The following GRIK2 variants were observed in gnomAD, a reference collection of about 807,000 sequenced individuals.
GRIK2 encodes the protein glutamate ionotropic receptor kainate type subunit 2.
A neutral mutation model predicts 100.3 loss-of-function variants in GRIK2; 32 were observed. The observed-to-expected ratio is 0.32, with a 90% CI of 0.24 to 0.43. The LOEUF (loss-of-function observed/expected upper bound fraction) is 0.43, where lower values mean the gene tolerates loss of function less well. GRIK2 is among the 20% of genes least tolerant of loss of function. The pLI, the probability that GRIK2 is intolerant of heterozygous loss-of-function variation, is 1.00. For synonymous variants in GRIK2, 417 were observed against 389.4 expected (o/e 1.07, Z -0.83); for missense variants, 843 against 1,114.9 (o/e 0.76, Z 3.47).
intron 10 of GRIK2, among the ~76,000 whole-genome samples, chr6:101,850,103 T>A (rs1784048471): frequency 6.6e-6 from 1 of 152,190 alleles, no homozygotes; most frequent in Non-Finnish European, 1.5e-5. Context: ...CATGTCCCTG[T>A]TTCTCAAAAA....
intron 2 of GRIK2, among the ~76,000 whole-genome samples, chr6:101,488,873 T>C (rs1455600459): frequency 6.8e-6 from 1 of 146,304 alleles, no homozygotes; most frequent in Admixed American, 6.8e-5. Flanking sequence ...AACATGTAAA[T>C]AAAACTATTG....
At chr6:101,720,590 A>G (rs1355903312) in intron 7 of GRIK2, among the ~76,000 whole-genome samples, 1 of 151,962 alleles carries the variant, frequency 6.6e-6, no homozygotes, top group African/African-American at 2.4e-5. Context: ...TACTAACATC[A>G]TTTTCTGTCA....
intron 9 of GRIK2, among the ~76,000 whole-genome samples, chr6:101,816,621 G>A (rs1781646147): frequency 6.6e-6 from 1 of 152,160 alleles, no homozygotes; most frequent in Non-Finnish European, 1.5e-5. Context: ...AACCCGGGAG[G>A]CAGAGGTTGC....
intron 2 of GRIK2, among the ~76,000 whole-genome samples, chr6:101,613,615 G>C (rs1779773451): frequency 6.6e-6 from 1 of 151,384 alleles, no homozygotes; most frequent in African/African-American, 2.4e-5. Context: ...TAAGATGAAT[G>C]AGCAGTGTGA....
chr6:101,919,859 A>G (rs1344297063), intron 12 of GRIK2, among the ~76,000 whole-genome samples: 1 of 151,932 alleles, frequency 6.6e-6, no homozygotes, highest in East Asian at 1.9e-4. Context: ...AAACAATGGA[A>G]GTTTAGGATT....
At chr6:101,924,245 C>T (rs1789743583) in intron 12 of GRIK2, among the ~76,000 whole-genome samples, 1 of 152,066 alleles carries the variant, frequency 6.6e-6, no homozygotes, top group African/African-American at 2.4e-5. Flanking sequence ...AAATGTTTCA[C>T]AACTAAGTTT....
At position 102,055,178 on chromosome 6, in the gene GRIK2, A is replaced by G. The variant is rs1419020094; in HGVS notation, c.2312-152A>G. Reference sequence around the variant, plus strand: ...ATTTTAATGATCTTGTTAAACGTCTATGTGTTTTTTCCAGTTGTTTTTCTC... The same window carrying G: ...ATTTTAATGATCTTGTTAAACGTCTGTGTGTTTTTTCCAGTTGTTTTTCTC... On this transcript the variant is annotated intron_variant, in intron 15 of 16. Transcript: ENST00000369134. 11 of 560,356 alleles carry G rather than the reference A, an allele frequency of 2.0e-5. No homozygotes were observed. The Admixed American group carries it at 3.6e-4, about 18-fold the overall frequency. The allele number at this position is 560,356 out of a possible 1,614,324, so 34.7% of individuals were successfully genotyped here.
At chr6:101,488,452 T>C (rs1400255439) in intron 2 of GRIK2, among the ~76,000 whole-genome samples, 1 of 146,960 alleles carries the variant, frequency 6.8e-6, no homozygotes, top group African/African-American at 2.6e-5. Flanking sequence ...TGTAAACTTG[T>C]TAAAGATTTT....
intron 7 of GRIK2, among the ~76,000 whole-genome samples, chr6:101,742,360 G>T (rs1188289243): frequency 6.6e-6 from 1 of 152,044 alleles, no homozygotes; most frequent in Non-Finnish European, 1.5e-5. Context: ...GAATCAGGGT[G>T]GACTAAGGTG....
intron 9 of GRIK2, 69 bp downstream of exon 9, chr6:101,802,507 G>A (rs1780738913): frequency 3.5e-6 from 2 of 573,480 alleles, no homozygotes; most frequent in Non-Finnish European, 6.1e-6. Context: ...AATATTCTCT[G>A]TTGTAGTCAC....
At chr6:101,412,275 G>A (rs1281988703) in intron 2 of GRIK2, among the ~76,000 whole-genome samples, 2 of 151,974 alleles carry the variant, frequency 1.3e-5, no homozygotes, top group Non-Finnish European at 2.9e-5. Context: ...TACTGATTTA[G>A]TATTGAAATA....
At position 102,069,744 on chromosome 6, in the gene GRIK2, T is replaced by C. The variant is rs1175026184; in HGVS notation, c.*1233T>C. 1 of 152,022 alleles carries C rather than the reference T, an allele frequency of 6.6e-6. No homozygotes were observed. The highest frequency in any genetic ancestry group is 6.6e-5 in the Admixed American group (1 of 15,210). 9.4% of individuals were successfully genotyped at this position (152,022 alleles called of 1,614,324 possible). On this transcript the variant is annotated 3_prime_UTR_variant, in exon 17 of 17. Transcript: ENST00000369134. ...TTATCAACAAAACAAGAACATGTGT[T>C]CCTGTCAGGGGTGTGATGTCAAGCA...
chr6:101,449,991 CTT>C (rs1443812455), intron 2 of GRIK2, among the ~76,000 whole-genome samples: 4 of 151,772 alleles, frequency 2.6e-5, no homozygotes, highest in African/African-American at 9.6e-5. Flanking sequence ...CTTGTTCACT[CTT>C]TGTTCATTTT....
intron 2 of GRIK2, among the ~76,000 whole-genome samples, chr6:101,481,816 C>G (rs964982744): frequency 1.3e-5 from 2 of 152,106 alleles, no homozygotes; most frequent in African/African-American, 4.8e-5. Flanking sequence ...CCCCACGTGT[C>G]AAGGGGAGGC....
At chr6:101,928,381 A>G (rs1487066284) in intron 13 of GRIK2, 34 bp from the exon 14 acceptor site, 2 of 1,043,652 alleles carry the variant, frequency 1.9e-6, no homozygotes, top group East Asian at 2.4e-5. Flanking sequence ...CAAATTCTCT[A>G]TATTCGTTTC....
intron 11 of GRIK2, among the ~76,000 whole-genome samples, chr6:101,887,090 A>C (rs1175038546): frequency 6.6e-6 from 1 of 151,728 alleles, no homozygotes; most frequent in Non-Finnish European, 1.5e-5. Flanking sequence ...AGCCTCCCAA[A>C]GTGTTGGGAT....
At chr6:101,670,890 G>C (rs1055425605) in intron 4 of GRIK2, among the ~76,000 whole-genome samples, 5 of 152,066 alleles carry the variant, frequency 3.3e-5, no homozygotes, top group African/African-American at 1.2e-4. Flanking sequence ...CCTTCTTATA[G>C]AGAAAAATAT....
At chr6:101,704,525 C>G (rs1773119812) in intron 7 of GRIK2, among the ~76,000 whole-genome samples, 1 of 151,706 alleles carries the variant, frequency 6.6e-6, no homozygotes, top group Non-Finnish European at 1.5e-5. Flanking sequence ...CCAATGTGTA[C>G]CATACTATTA....
At chr6:101,553,722 A>G (rs752278660) in intron 2 of GRIK2, among the ~76,000 whole-genome samples, 3 of 152,232 alleles carry the variant, frequency 2.0e-5, no homozygotes, top group Admixed American at 6.5e-5. Flanking sequence ...TGGGGCAAAG[A>G]TGTTTGAGGA....
Sources: gnomAD v4.1 joint callset for allele counts (sites outside exome capture counted in the v4.1 genomes callset) on GRCh38, gnomAD v4.1.1 for gene constraint, MANE v1.5 for transcripts, NCBI Gene and HGNC (gene_info 2026-07-23, HGNC 2026-07-21) for gene names.